NYAP2: variants seen among roughly 807,000 people sequenced by gnomAD.
NYAP2 encodes neuronal tyrosine-phosphorylated phosphoinositide-3-kinase adaptor 2, also known as neuronal tyrosine-phosphorylated phosphoinositide-3-kinase adapter 2.
NYAP2 carries 23 observed loss-of-function variants against 50.4 expected under a neutral mutation model. The observed-to-expected ratio is 0.46, with a 90% CI of 0.33 to 0.65. The LOEUF (loss-of-function observed/expected upper bound fraction) is 0.65. Among genes scored for constraint, NYAP2 ranks in the 30% least tolerant of loss-of-function variants. The probability of loss-of-function intolerance (pLI) is 0.02; values close to 1 mark genes in which losing one functional copy is unlikely to be tolerated. For missense variants in NYAP2, 885 were observed against 861.0 expected, an observed-to-expected ratio of 1.03 and a Z score of -0.35; for synonymous variants, 394 against 365.2, an observed-to-expected ratio of 1.08 and a Z score of -0.90.
intron 5 of NYAP2, among the ~76,000 whole-genome samples, chr2:225,606,651 G>A (rs1692792680): frequency 6.6e-6 from 1 of 152,140 alleles, no homozygotes; most frequent in Admixed American, 6.6e-5. Flanking sequence ...GACATTGATA[G>A]AGTTTCACAT....
intron 3 of NYAP2, among the ~76,000 whole-genome samples, chr2:225,456,528 G>A (rs1169333340): frequency 1.3e-5 from 2 of 152,130 alleles, no homozygotes; most frequent in Admixed American, 6.5e-5. Flanking sequence ...GGAGCTTCTG[G>A]CCTAATTAGG....
chr2:225,566,256 C>T (rs905392650), intron 4 of NYAP2, among the ~76,000 whole-genome samples: 13 of 152,136 alleles, frequency 8.5e-5, no homozygotes, highest in Admixed American at 3.3e-4. Context: ...AATGTTAGCA[C>T]ACAACTTCAA....
chr2:225,560,317 A>G (rs1380822382), intron 4 of NYAP2, among the ~76,000 whole-genome samples: 3 of 152,134 alleles, frequency 2.0e-5, no homozygotes, highest in East Asian at 1.9e-4. Flanking sequence ...GATATACAAT[A>G]TTCTTCTCAG....
chr2:225,695,540 TG>T, the NYAP2 span, among the ~76,000 whole-genome samples: 1 of 151,792 alleles, frequency 6.6e-6, no homozygotes, highest in Non-Finnish European at 1.5e-5. Context: ...AAACTTCTAT[TG>T]AAAGCCTAGG....
At chr2:225,533,207 G>A (rs1691288210) in intron 4 of NYAP2, among the ~76,000 whole-genome samples, 1 of 152,220 alleles carries the variant, frequency 6.6e-6, no homozygotes, top group South Asian at 2.1e-4. Flanking sequence ...GAAAAAGTAT[G>A]TTGCTACTGA....
At chr2:225,442,861 G>A (rs116112141) in intron 3 of NYAP2, among the ~76,000 whole-genome samples, 177 of 152,220 alleles carry the variant, frequency 1.2e-3, no homozygotes, top group African/African-American at 2.3e-3. Context: ...ATGGGCGTGC[G>A]CCACCGTGCC....
chr2:225,530,772 C>T (rs144555206), intron 4 of NYAP2, among the ~76,000 whole-genome samples: 45 of 152,248 alleles, frequency 3.0e-4, no homozygotes, highest in Non-Finnish European at 5.9e-4. Flanking sequence ...CTGACCCAGG[C>T]GTTTCCTCCA....
At chr2:225,571,893 A>G (rs1311690842) in intron 4 of NYAP2, among the ~76,000 whole-genome samples, 1 of 151,948 alleles carries the variant, frequency 6.6e-6, no homozygotes, top group Non-Finnish European at 1.5e-5. Flanking sequence ...TTTATTCTCT[A>G]CTTCCTCTTG....
intron 4 of NYAP2, among the ~76,000 whole-genome samples, chr2:225,571,050 CA>C (rs1006454490): frequency 6.6e-6 from 1 of 152,226 alleles, no homozygotes; most frequent in African/African-American, 2.4e-5. Context: ...CTTAAAGTTC[CA>C]AAATGATCTC....
At chr2:225,629,989 T>C (rs1378611439) in intron 6 of NYAP2, among the ~76,000 whole-genome samples, 7 of 152,170 alleles carry the variant, frequency 4.6e-5, no homozygotes, top group Admixed American at 4.6e-4. Context: ...ACAGTAATAA[T>C]CGGGAACTTT....
chr2:225,442,572 T>C (rs1042008265), intron 3 of NYAP2, among the ~76,000 whole-genome samples: 1 of 152,094 alleles, frequency 6.6e-6, no homozygotes, highest in Non-Finnish European at 1.5e-5. Context: ...TTTATTTTAT[T>C]TTATTAATTA....
At chr2:225,645,182 C>T (rs974540578) in intron 6 of NYAP2, among the ~76,000 whole-genome samples, 8 of 150,578 alleles carry the variant, frequency 5.3e-5, no homozygotes, top group Admixed American at 1.3e-4. Flanking sequence ...CACTTGAACC[C>T]GGAAGGTGGA....
rs77040513 is a variant in NYAP2, at chr2:225,510,582, G to T, written c.222-2789G>T. Among the ~76,000 whole-genome samples the T allele has an allele frequency of 2.6e-5, 4 of 152,206 alleles. No homozygotes were observed. In the South Asian group the frequency reaches 8.3e-4, roughly 32 times the overall value. On this transcript the variant is annotated intron_variant, in intron 3 of 6. Transcript: ENST00000636099. Reference sequence around the variant, plus strand: ...TGTTTTGGGCTAATAACCTTTCTGGGTCTCTTGAACCTAGATGTGCCATCA... The same window carrying T: ...TGTTTTGGGCTAATAACCTTTCTGGTTCTCTTGAACCTAGATGTGCCATCA...
intron 4 of NYAP2, among the ~76,000 whole-genome samples, chr2:225,549,585 G>T (rs1691637774): frequency 1.3e-5 from 2 of 152,114 alleles, no homozygotes; most frequent in Admixed American, 1.3e-4. Context: ...ATATTTCTCT[G>T]AAAGCCTAGA....
chr2:225,451,507 A>G (rs892241601), intron 3 of NYAP2, among the ~76,000 whole-genome samples: 1 of 152,200 alleles, frequency 6.6e-6, no homozygotes, highest in Non-Finnish European at 1.5e-5. Context: ...ATATATATAT[A>G]TCAGGATGAA....
intron 4 of NYAP2, among the ~76,000 whole-genome samples, chr2:225,536,695 T>G (rs1013525017): frequency 2.6e-5 from 4 of 152,170 alleles, no homozygotes; most frequent in South Asian, 2.1e-4. Flanking sequence ...TATGCTAGTT[T>G]TTTTTAAATG....
At chr2:225,666,968 T>A in the NYAP2 span, among the ~76,000 whole-genome samples, 1 of 151,958 alleles carries the variant, frequency 6.6e-6, no homozygotes, top group African/African-American at 2.4e-5. Context: ...TGTAATGTTA[T>A]GCCAGGGTCA....
rs147835279 is a variant in NYAP2, at chr2:225,452,544, T to C, written c.221+43443T>C. 5.2e-3 allele frequency among the ~76,000 whole-genome samples: 797 copies of C among 152,298 alleles called. 2 individuals carry two copies. Among genetic ancestry groups the C allele is most frequent in the Non-Finnish European group, 8.4e-3 (570 of 68,020 alleles). ...CCTCTGTAACTTCTTCACATAGGTCTCAGTCTTACCACTTAGGGCCTCAAT... is the reference window on the plus strand; with the variant it reads ...CCTCTGTAACTTCTTCACATAGGTCCCAGTCTTACCACTTAGGGCCTCAAT... On this transcript the variant is annotated intron_variant, in intron 3 of 6. Transcript: ENST00000636099.
At chr2:225,499,035 T>C (rs781381463) in intron 3 of NYAP2, among the ~76,000 whole-genome samples, 8 of 152,042 alleles carry the variant, frequency 5.3e-5, no homozygotes, top group Middle Eastern at 6.8e-3. Context: ...GTCTTAAAAA[T>C]TGATATTTGT....
Sources: allele counts gnomAD v4.1 joint callset (sites outside exome capture counted in the v4.1 genomes callset), GRCh38; gene constraint gnomAD v4.1.1; transcripts MANE v1.5; gene names NCBI Gene and HGNC (gene_info 2026-07-23, HGNC 2026-07-21).